Variants in CFAP47 observed in about 807,000 individuals in gnomAD.
CFAP47 encodes the protein cilia- and flagella-associated protein 47.
Under a neutral mutation model 148.1 loss-of-function variants are expected in CFAP47, and 29 were observed. The observed-to-expected ratio is 0.20, with a 90% CI of 0.15 to 0.27. The LOEUF is 0.27. Ranked by LOEUF, CFAP47 falls within the 10% of genes least tolerant of loss-of-function variation. The probability of loss-of-function intolerance (pLI) is 1.00; values close to 1 mark genes in which losing one functional copy is unlikely to be tolerated. For synonymous variants in CFAP47, 664 were observed against 577.3 expected (o/e 1.15, Z -2.15); for missense variants, 1,872 against 1,697.5 (o/e 1.10, Z -1.81).
chrX:35,957,743 C>T (rs1251256742), intron 8 of CFAP47, among the ~76,000 whole-genome samples: 3 of 111,710 alleles, frequency 2.7e-5, no homozygotes, highest in Non-Finnish European at 5.6e-5. Flanking sequence ...TGAATTTTTC[C>T]AACACTAATA....
At chrX:36,194,740 A>C (rs1179705829) in intron 42 of CFAP47, among the ~76,000 whole-genome samples, 1 of 111,620 alleles carries the variant, frequency 9.0e-6, no homozygotes, top group Non-Finnish European at 1.9e-5. Context: ...TGAGAACTCT[A>C]TCATGAGACA....
intron 56 of CFAP47, among the ~76,000 whole-genome samples, chrX:36,313,428 A>C (rs1941409879): frequency 9.0e-6 from 1 of 110,936 alleles, no homozygotes; most frequent in South Asian, 3.8e-4. Flanking sequence ...TCAGAACAGC[A>C]TAGGATAAAC....
intron 49 of CFAP47, among the ~76,000 whole-genome samples, chrX:36,273,777 A>G (rs1556002201): frequency 9.0e-6 from 1 of 111,639 alleles, no homozygotes; most frequent in African/African-American, 3.2e-5. Flanking sequence ...TCAGGTTGCT[A>G]AGTATAATAT....
At chrX:36,282,481 A>G (rs1556003809) in intron 50 of CFAP47, among the ~76,000 whole-genome samples, 5 of 111,701 alleles carry the variant, frequency 4.5e-5, no homozygotes, top group African/African-American at 1.6e-4. Context: ...ATTAAAAGCT[A>G]GGAAAAATGT....
At chrX:36,191,063 A>G (rs1555986417) in intron 42 of CFAP47, among the ~76,000 whole-genome samples, 1 of 112,077 alleles carries the variant, frequency 8.9e-6, no homozygotes, top group African/African-American at 3.2e-5. Flanking sequence ...AATGTAAAAT[A>G]TAGTTTAATT....
At chrX:36,291,676 C>G (rs1230647425) in intron 51 of CFAP47, among the ~76,000 whole-genome samples, 1 of 109,545 alleles carries the variant, frequency 9.1e-6, no homozygotes, top group East Asian at 2.9e-4. Context: ...TCAAGAATTA[C>G]CCCCTGGGGT....
In CFAP47 at chrX:36,348,135, C is replaced by T; in HGVS notation, c.8450C>T (p.Ala2817Val). Reference sequence around the variant, plus strand: ...ATTTTTGTGTGTTTTACAGGAATTGCACTGCCTCCTAAAGGAAATATAGAT... The same window carrying T: ...ATTTTTGTGTGTTTTACAGGAATTGTACTGCCTCCTAAAGGAAATATAGAT... ...FSSPSEIQGI[A>V]LPPKGNIDIS... The change falls in exon 58 of 64, where the codon GCA (alanine) becomes GTA (valine). Residue 2817 changes from alanine (A) to valine (V), a missense_variant. Ala to Val is a moderately conservative substitution (Grantham distance 64). Transcript: ENST00000378653. 5 of 1,003,168 alleles carry T rather than the reference C, an allele frequency of 5.0e-6. No homozygotes were observed. Among genetic ancestry groups the T allele is most frequent in the Non-Finnish European group, 6.5e-6 (5 of 771,817 alleles). The allele number at this position is 1,003,168 out of a possible 1,213,427, so 82.7% of individuals were successfully genotyped here.
intron 7 of CFAP47, among the ~76,000 whole-genome samples, chrX:35,955,427 A>C (rs1936229525): frequency 8.9e-6 from 1 of 112,073 alleles, no homozygotes; most frequent in African/African-American, 3.2e-5. Flanking sequence ...CTTCTCCTCC[A>C]GCCATTTGTT....
intron 2 of CFAP47, among the ~76,000 whole-genome samples, chrX:35,940,565 C>A: frequency 9.0e-6 from 1 of 111,045 alleles, no homozygotes; most frequent in East Asian, 2.8e-4. Flanking sequence ...GATTTTTTTA[C>A]AAGAGGAAGA....
intron 62 of CFAP47, among the ~76,000 whole-genome samples, chrX:36,371,764 GTA>G (rs1372514985): frequency 7.9e-5 from 4 of 50,413 alleles, no homozygotes; most frequent in Non-Finnish European, 9.0e-5. Context: ...ACACATGTGT[GTA>G]TATACACACA....
intron 49 of CFAP47, among the ~76,000 whole-genome samples, chrX:36,258,842 G>A (rs1940784884): frequency 9.0e-6 from 1 of 111,578 alleles, no homozygotes; most frequent in Admixed American, 9.5e-5. Flanking sequence ...TGTCATCAAT[G>A]GGTGATAGCA....
At chrX:36,119,196 C>G (rs1375250621) in intron 33 of CFAP47, among the ~76,000 whole-genome samples, 2 of 112,154 alleles carry the variant, frequency 1.8e-5, no homozygotes, top group African/African-American at 6.5e-5. Context: ...TGGTATGATA[C>G]TAGCTTCGGG....
At chrX:36,337,239 C>A (rs1373823924) in intron 57 of CFAP47, among the ~76,000 whole-genome samples, 3 of 112,400 alleles carry the variant, frequency 2.7e-5, no homozygotes, top group Admixed American at 1.9e-4. Flanking sequence ...GTGAAGAGAG[C>A]AGAAACTGCA....
chrX:36,091,353 G>A (rs1014555680), intron 30 of CFAP47, among the ~76,000 whole-genome samples: 7 of 110,889 alleles, frequency 6.3e-5, no homozygotes, highest in Non-Finnish European at 1.3e-4. Flanking sequence ...CTGAAATTCT[G>A]TCTTGGCTTT....
chrX:36,011,571 T>G (rs762891541), intron 21 of CFAP47, among the ~76,000 whole-genome samples: 1 of 112,309 alleles, frequency 8.9e-6, no homozygotes, highest in African/African-American at 3.2e-5. Flanking sequence ...ACAATTTCAC[T>G]GCTTTTCTGC....
At position 36,289,823 on chromosome X, in the gene CFAP47, G is replaced by T. The variant is rs140810870; in HGVS notation, c.7686+4097G>T. Among the ~76,000 whole-genome samples the T allele has an allele frequency of 2.0e-3, 223 of 111,708 alleles. 1 individual carries two copies. The highest frequency in any genetic ancestry group is 6.8e-3 in the African/African-American group (208 of 30,751). ...TGGCTTTAAAGATCAGCAATAATTA[G>T]CCACTTTCACTTCAACCGAGAGTGG... is the stretch of plus-strand genomic sequence containing the variant. On this transcript the variant is annotated intron_variant, in intron 51 of 63. Coordinates refer to ENST00000378653, the MANE Select transcript of CFAP47 (RefSeq NM_001304548.2).
chrX:36,134,985 A>G (rs112602772), intron 33 of CFAP47, among the ~76,000 whole-genome samples: 4,888 of 111,350 alleles, frequency 0.044, 279 homozygotes, highest in African/African-American at 0.15. Context: ...GCCCAATACA[A>G]TTACTATATA....
chrX:36,027,730 C>G (rs909489227), intron 22 of CFAP47, among the ~76,000 whole-genome samples: 3 of 111,530 alleles, frequency 2.7e-5, no homozygotes, highest in African/African-American at 9.8e-5. Flanking sequence ...TGGGAAATCT[C>G]CACACTATTT....
chrX:35,978,017 G>A (rs902802367), intron 15 of CFAP47, among the ~76,000 whole-genome samples: 7 of 111,976 alleles, frequency 6.3e-5, no homozygotes, highest in Admixed American at 5.7e-4. Flanking sequence ...TCACTTGACC[G>A]AGCTCTTTAT....
Sources: gnomAD v4.1 joint callset for allele counts (sites outside exome capture counted in the v4.1 genomes callset) on GRCh38, gnomAD v4.1.1 for gene constraint, MANE v1.5 for transcripts, NCBI Gene and HGNC (gene_info 2026-07-23, HGNC 2026-07-21) for gene names.